The following SH3BGRL2 variants were observed in gnomAD, a reference collection of about 807,000 sequenced individuals.
SH3BGRL2 encodes SH3 domain-binding glutamic acid-rich-like protein 2.
Under a neutral mutation model 14.8 loss-of-function variants are expected in SH3BGRL2, and 21 were observed. The observed-to-expected ratio is 1.42, with a 90% CI of 1.01 to 2.05. SH3BGRL2 has a LOEUF of 2.05. Among genes scored for constraint, SH3BGRL2 ranks in the 30% most tolerant of loss-of-function variants. SH3BGRL2 has a pLI of 0.00. For missense variants in SH3BGRL2, 147 were observed against 130.8 expected (o/e 1.12, Z -0.61); for synonymous variants, 50 against 47.8 (o/e 1.05, Z -0.19).
intron 2 of SH3BGRL2, among the ~76,000 whole-genome samples, chr6:79,688,369 T>TG (rs1415386374): frequency 2.0e-5 from 3 of 152,168 alleles, no homozygotes; most frequent in African/African-American, 4.8e-5. Context: ...ATAAACAAAG[T>TG]GAATTTTTTG....
At chr6:79,698,648 T>TA (rs757099647) in intron 3 of SH3BGRL2, among the ~76,000 whole-genome samples, 27 of 151,994 alleles carry the variant, frequency 1.8e-4, no homozygotes, top group Admixed American at 9.8e-4. Flanking sequence ...GGTCTCTAGA[T>TA]GGTGGCCTGC....
At chr6:79,668,404 G>A (rs554874229) in intron 1 of SH3BGRL2, among the ~76,000 whole-genome samples, 1 of 152,206 alleles carries the variant, frequency 6.6e-6, no homozygotes, top group African/African-American at 2.4e-5. Flanking sequence ...GTCTTCATGC[G>A]GAGTCAGGAG....
chr6:79,577,397 A>C, the SH3BGRL2 span, among the ~76,000 whole-genome samples: 4 of 152,186 alleles, frequency 2.6e-5, no homozygotes, highest in East Asian at 1.9e-4. Context: ...CCTTAGTATT[A>C]AACTCTTGGC....
chr6:79,600,107 T>C, the SH3BGRL2 span, among the ~76,000 whole-genome samples: 1 of 152,166 alleles, frequency 6.6e-6, no homozygotes, highest in Non-Finnish European at 1.5e-5. Flanking sequence ...CTTGGCACTA[T>C]CAGTACTGCA....
chr6:79,663,074 C>G (rs1340003638), intron 1 of SH3BGRL2, among the ~76,000 whole-genome samples: 1 of 152,122 alleles, frequency 6.6e-6, no homozygotes, highest in Non-Finnish European at 1.5e-5. Context: ...TTTTTAGCTT[C>G]CTTGCGAAGG....
chr6:79,682,780 G>A (rs144156809), intron 2 of SH3BGRL2, among the ~76,000 whole-genome samples: 217 of 152,234 alleles, frequency 1.4e-3, no homozygotes, highest in African/African-American at 5.1e-3. Flanking sequence ...GGCACTATTC[G>A]CAATAGCAAA....
the SH3BGRL2 span, among the ~76,000 whole-genome samples, chr6:79,558,700 A>G: frequency 6.9e-6 from 1 of 145,342 alleles, no homozygotes; most frequent in South Asian, 2.3e-4. Flanking sequence ...CCCCATCTCT[A>G]TAAAAAAAAA....
In SH3BGRL2 at chr6:79,667,486, G is replaced by A. The variant is rs532568874; in HGVS notation, c.46-6128G>A. Among the ~76,000 whole-genome samples the A allele has an allele frequency of 2.1e-4, 31 of 151,146 alleles. 1 individual carries two copies. In the East Asian group the frequency reaches 2.5e-3, roughly 12 times the overall value. On this transcript the variant is annotated intron_variant, in intron 1 of 3. Transcript: ENST00000369838. Reference sequence around the variant, plus strand: ...AATTGAGACAGAGTCTCACTCTGTCGCCCAGGCTGGAGTGCAGTGGTGTGA... The same window carrying A: ...AATTGAGACAGAGTCTCACTCTGTCACCCAGGCTGGAGTGCAGTGGTGTGA...
chr6:79,650,016 C>G (rs2746310), intron 1 of SH3BGRL2, among the ~76,000 whole-genome samples: 4,238 of 149,278 alleles, frequency 0.028, 75 homozygotes, highest in South Asian at 0.063. Context: ...CACACACACA[C>G]AGTTACCCTA....
At chr6:79,577,814 G>A in the SH3BGRL2 span, among the ~76,000 whole-genome samples, 6 of 152,204 alleles carry the variant, frequency 3.9e-5, no homozygotes, top group East Asian at 1.9e-4. Flanking sequence ...GAAGCAGGGC[G>A]GGGCATCACC....
the SH3BGRL2 span, among the ~76,000 whole-genome samples, chr6:79,558,599 T>A: frequency 1.3e-5 from 2 of 152,146 alleles, no homozygotes; most frequent in African/African-American, 4.8e-5. Flanking sequence ...GTGCGGTGGC[T>A]CATGCTTGTA....
At chr6:79,585,138 C>T in the SH3BGRL2 span, among the ~76,000 whole-genome samples, 1 of 150,698 alleles carries the variant, frequency 6.6e-6, no homozygotes, top group African/African-American at 2.4e-5. Flanking sequence ...ATCCAAGGAA[C>T]ATGTTTGACA....
At chr6:79,584,742 A>G in the SH3BGRL2 span, among the ~76,000 whole-genome samples, 8 of 152,188 alleles carry the variant, frequency 5.3e-5, no homozygotes, top group Non-Finnish European at 1.5e-5. Flanking sequence ...TCAGATAAGA[A>G]AAATTTTAAG....
At chr6:79,689,870 G>C (rs1770174791) in intron 2 of SH3BGRL2, among the ~76,000 whole-genome samples, 1 of 152,140 alleles carries the variant, frequency 6.6e-6, no homozygotes, top group African/African-American at 2.4e-5. Context: ...GCTTTTGAAA[G>C]TAGAATTCAT....
At chr6:79,595,590 A>G in the SH3BGRL2 span, among the ~76,000 whole-genome samples, 5 of 152,238 alleles carry the variant, frequency 3.3e-5, no homozygotes, top group Non-Finnish European at 7.3e-5. Context: ...TGATCATTTC[A>G]GTAGACACAG....
intron 2 of SH3BGRL2, among the ~76,000 whole-genome samples, chr6:79,681,121 A>T (rs1769980395): frequency 6.6e-6 from 1 of 152,168 alleles, no homozygotes; most frequent in East Asian, 1.9e-4. Flanking sequence ...CCATATCTAG[A>T]GTCAGGCATT....
intron 1 of SH3BGRL2, among the ~76,000 whole-genome samples, chr6:79,634,503 C>T (rs1301120564): frequency 6.6e-6 from 1 of 152,188 alleles, no homozygotes; most frequent in Non-Finnish European, 1.5e-5. Context: ...GTCTTAGTAA[C>T]TTTGTCCAGG....
chr6:79,686,213 G>A (rs1770086821), intron 2 of SH3BGRL2, among the ~76,000 whole-genome samples: 1 of 152,118 alleles, frequency 6.6e-6, no homozygotes, highest in South Asian at 2.1e-4. Context: ...TCATCAGTAT[G>A]TGCCTTTAAA....
At chr6:79,622,963 C>T in the SH3BGRL2 span, among the ~76,000 whole-genome samples, 5 of 152,222 alleles carry the variant, frequency 3.3e-5, no homozygotes, top group East Asian at 9.7e-4. Context: ...TAAAATAAGG[C>T]ATTTCACTAC....
Sources: allele counts gnomAD v4.1 joint callset (sites outside exome capture counted in the v4.1 genomes callset), GRCh38; gene constraint gnomAD v4.1.1; transcripts MANE v1.5; gene names NCBI Gene and HGNC (gene_info 2026-07-23, HGNC 2026-07-21).